ZNF585B: variants seen among roughly 807,000 people sequenced by gnomAD.
ZNF585B encodes zinc finger protein 585B, also known as zinc finger protein 41-like protein.
In ZNF585B, 7 loss-of-function variants were observed where a neutral mutation model predicts 14.0. The observed-to-expected ratio is 0.50, with a 90% CI of 0.28 to 0.94. ZNF585B has a LOEUF of 0.94. ZNF585B is among the 40% of genes least tolerant of loss of function. ZNF585B has a pLI of 0.09. For synonymous variants in ZNF585B, 290 were observed against 317.3 expected (o/e 0.91, Z 0.91); for missense variants, 750 against 924.4 (o/e 0.81, Z 2.45).
intron 2 of ZNF585B, chr19:37,190,520 G>A (rs1972389282): frequency 6.1e-6 from 1 of 164,282 alleles, no homozygotes; most frequent in South Asian, 1.7e-4. Context: ...CCAAAGTGCT[G>A]GGATTACAAG....
intron 2 of ZNF585B, among the ~76,000 whole-genome samples, chr19:37,197,778 T>C (rs1972484524): frequency 6.6e-6 from 1 of 152,212 alleles, no homozygotes; most frequent in East Asian, 1.9e-4. Flanking sequence ...CACAGATGTC[T>C]TCTTTTGAGA....
chr19:37,202,730 C>A (rs1407692830), intron 2 of ZNF585B, among the ~76,000 whole-genome samples: 1 of 151,592 alleles, frequency 6.6e-6, no homozygotes, highest in African/African-American at 2.4e-5. Context: ...GCAACCTCCG[C>A]CACCTGAGTT....
intron 2 of ZNF585B, among the ~76,000 whole-genome samples, chr19:37,193,159 A>C (rs1460805792): frequency 2.0e-5 from 3 of 151,436 alleles, no homozygotes; most frequent in African/African-American, 7.3e-5. Context: ...ACAAAAAAAA[A>C]CACCACATGA....
chr19:37,209,975 A>G (rs1266637787), intron 1 of ZNF585B, among the ~76,000 whole-genome samples: 1 of 151,972 alleles, frequency 6.6e-6, no homozygotes, highest in East Asian at 1.9e-4. Flanking sequence ...TGGGTCTCCC[A>G]AAGTGCTGGG....
At chr19:37,205,022 A>T (rs1474430173) in intron 2 of ZNF585B, among the ~76,000 whole-genome samples, 3 of 152,172 alleles carry the variant, frequency 2.0e-5, no homozygotes, top group African/African-American at 7.2e-5. Flanking sequence ...TGCTGGGATT[A>T]TAAGTGTGAG....
At chr19:37,197,538 T>A (rs1415127098) in intron 2 of ZNF585B, among the ~76,000 whole-genome samples, 1 of 152,182 alleles carries the variant, frequency 6.6e-6, no homozygotes, top group Non-Finnish European at 1.5e-5. Context: ...TAGTTCTAGA[T>A]CCTTGAGGAA....
intron 2 of ZNF585B, among the ~76,000 whole-genome samples, chr19:37,195,695 C>A (rs1972458183): frequency 6.8e-6 from 1 of 147,764 alleles, no homozygotes; most frequent in Non-Finnish European, 1.5e-5. Context: ...AATTTCTAGG[C>A]CTAGTTTTGC....
In ZNF585B at chr19:37,201,643, T is replaced by C. The variant is rs532968948; in HGVS notation, c.72+5397A>G. Among the ~76,000 whole-genome samples, 5 of 152,266 alleles carry C rather than the reference T, an allele frequency of 3.3e-5. 1 individual carries two copies. Among genetic ancestry groups the C allele is most frequent in the African/African-American group, 1.2e-4 (5 of 41,558 alleles). ...TAATGTTATGCCACATGCAAATAAT[T>C]CTCTCCATCTCTGCAATCCTAATTT... On this transcript the variant is annotated intron_variant, in intron 2 of 4. Coordinates refer to ENST00000532828, the MANE Select transcript of ZNF585B (RefSeq NM_152279.4).
intron 2 of ZNF585B, among the ~76,000 whole-genome samples, chr19:37,201,006 G>A (rs946730476): frequency 4.7e-5 from 7 of 150,414 alleles, no homozygotes; most frequent in Admixed American, 2.0e-4. Flanking sequence ...CAGGAGAATC[G>A]CTTGAACCCG....
At chr19:37,206,867 A>G (rs903081775) in intron 2 of ZNF585B, among the ~76,000 whole-genome samples, 173 bp downstream of exon 2, 1 of 152,332 alleles carries the variant, frequency 6.6e-6, no homozygotes, top group East Asian at 1.9e-4. Context: ...AGACGGAGAC[A>G]TTACCCACGT....
chr19:37,186,886 A>G lies in ZNF585B; in HGVS notation c.651T>C (p.Ser217=), dbSNP rs764729531. The change falls in exon 5 of 5, where the codon AGT becomes AGC. Residue 217 remains serine, a synonymous_variant. Transcript: ENST00000532828. The stretch of plus-strand genomic sequence containing the variant: ...TATAAGGGAAACCTTTCCCACATTC[A>G]CTACATTCATATAGTTTTTCTCCGG... The part of the protein sequence containing the change: ...IHTGEKLYEC[S]ECGKGFPYNS... 2 of 1,613,810 alleles carry G rather than the reference A, an allele frequency of 1.2e-6. No individual in the cohort carries two copies. Among genetic ancestry groups the G allele is most frequent in the African/African-American group, 1.3e-5 (1 of 74,888 alleles).
intron 2 of ZNF585B, among the ~76,000 whole-genome samples, chr19:37,202,067 C>A (rs370837745): frequency 5.0e-4 from 76 of 152,200 alleles, no homozygotes; most frequent in African/African-American, 1.7e-3. Flanking sequence ...GTTGCCCCGG[C>A]TGGAGTGAAA....
rs369939149 is a variant in ZNF585B, at chr19:37,187,257, A to C, written c.293-13T>G. On this transcript the variant is annotated splice_polypyrimidine_tract_variant and intron_variant, in intron 4 of 4. Transcript: ENST00000532828. ...CATAATTTCTCTCCTGTTGGAGTAC[A>C]TTCACAGTAAGTATAGAAAGACATT... is the stretch of plus-strand genomic sequence containing the variant. 3.2e-6 allele frequency: 5 copies of C among 1,562,402 alleles called. No homozygotes were observed. In the African/African-American group the frequency reaches 4.1e-5, roughly 13 times the overall value.
At chr19:37,207,322 T>A in intron 1 of ZNF585B, 68 bp from the exon 2 acceptor site, 1 of 1,212,710 alleles carries the variant, frequency 8.2e-7, no homozygotes, top group Non-Finnish European at 1.1e-6. Flanking sequence ...TACACCAAGG[T>A]GCAGGTCCCT....
In ZNF585B at chr19:37,184,908, T is replaced by C. The variant is rs143133035; in HGVS notation, c.*319A>G. 235 of 456,658 alleles carry C rather than the reference T, an allele frequency of 5.1e-4. No individual in the cohort carries two copies. Among genetic ancestry groups the C allele is most frequent in the African/African-American group, 4.4e-3 (222 of 50,528 alleles). The allele number at this position is 456,658 out of a possible 1,614,324, so 28.3% of individuals were successfully genotyped here. A position where few individuals can be genotyped will look rare whatever the true frequency, so the allele number is the denominator to read the frequency against. On this transcript the variant is annotated 3_prime_UTR_variant, in exon 5 of 5. Transcript: ENST00000532828. ...ACAGTAAACAGGATTATCATTCCCA[T>C]AATATGATCTTTCTTATGAAGAATT...
chr19:37,189,545 G>T, intron 4 of ZNF585B, 116 bp downstream of exon 4: 1 of 1,130,726 alleles, frequency 8.8e-7, no homozygotes, highest in Non-Finnish European at 1.3e-6. Flanking sequence ...AAAATTCAGA[G>T]CCTTACTGAA....
chr19:37,201,422 G>C (rs1209210450), intron 2 of ZNF585B, among the ~76,000 whole-genome samples: 2 of 152,008 alleles, frequency 1.3e-5, no homozygotes, highest in African/African-American at 4.8e-5. Flanking sequence ...AGCTCCATTT[G>C]ATAAAGTAGA....
chr19:37,208,504 C>T (rs974145792), intron 1 of ZNF585B, among the ~76,000 whole-genome samples: 11 of 150,446 alleles, frequency 7.3e-5, no homozygotes, highest in African/African-American at 2.0e-4. Context: ...CCATAAAATT[C>T]GACATAAAGA....
chr19:37,184,416 G>GAAAGAAAGAAAGAAAGAAAGAGAA lies in ZNF585B; in HGVS notation c.*810_*811insTTCTCTTTCTTTCTTTCTTTCTTT, dbSNP rs60442183. The GAAAGAAAGAAAGAAAGAAAGAGAA allele has an allele frequency of 1.0e-4, 7 of 67,942 alleles. 1 individual carries two copies. Among genetic ancestry groups the GAAAGAAAGAAAGAAAGAAAGAGAA allele is most frequent in the Admixed American group, 1.8e-4 (1 of 5,494 alleles). 4.2% of individuals were successfully genotyped at this position (67,942 alleles called of 1,614,324 possible). The stretch of plus-strand genomic sequence containing the variant: ...AGAAAGAAAGAAAGAAAGAAAGAAA[G>GAAAGAAAGAAAGAAAGAAAGAGAA]AGAAAGAAAGAAAAAGAAAGAAAGA... On this transcript the variant is annotated 3_prime_UTR_variant, in exon 5 of 5. Coordinates refer to ENST00000532828, the MANE Select transcript of ZNF585B (RefSeq NM_152279.4).
Sources: allele counts gnomAD v4.1 joint callset (sites outside exome capture counted in the v4.1 genomes callset), GRCh38; gene constraint gnomAD v4.1.1; transcripts MANE v1.5; gene names NCBI Gene and HGNC (gene_info 2026-07-23, HGNC 2026-07-21).